The following GAREM1 variants were observed in gnomAD, a reference collection of about 807,000 sequenced individuals.
GAREM1 encodes GRB2-associated and regulator of MAPK protein 1.
In GAREM1, 26 loss-of-function variants were observed where a neutral mutation model predicts 71.3. The ratio of observed to expected loss-of-function variants is 0.36; its 90% CI spans 0.27 to 0.51. GAREM1 has a LOEUF of 0.51. GAREM1 is among the 20% of genes least tolerant of loss of function. The probability of loss-of-function intolerance (pLI) is 0.95; values close to 1 mark genes in which losing one functional copy is unlikely to be tolerated. For synonymous variants in GAREM1, 440 were observed against 433.2 expected (o/e 1.02, Z -0.20); for missense variants, 1,026 against 1,103.1 (o/e 0.93, Z 0.99).
intron 1 of GAREM1, among the ~76,000 whole-genome samples, chr18:32,458,287 A>C (rs1433126413): frequency 6.6e-6 from 1 of 152,092 alleles, no homozygotes; most frequent in Non-Finnish European, 1.5e-5. Context: ...TCTTTGGGGA[A>C]CTCTCCATGA....
intron 3 of GAREM1, among the ~76,000 whole-genome samples, chr18:32,307,043 C>A (rs937667240): frequency 6.6e-6 from 1 of 152,150 alleles, no homozygotes; most frequent in Non-Finnish European, 1.5e-5. Flanking sequence ...AGTACTAGTA[C>A]TAGCCATTAA....
chr18:32,274,176 C>T (rs1215496791), intron 4 of GAREM1, among the ~76,000 whole-genome samples: 1 of 152,174 alleles, frequency 6.6e-6, no homozygotes, highest in East Asian at 1.9e-4. Context: ...GGAAGAATTA[C>T]ATGCTATGGT....
At chr18:32,358,714 G>A (rs753427913) in intron 2 of GAREM1, among the ~76,000 whole-genome samples, 1 of 152,088 alleles carries the variant, frequency 6.6e-6, no homozygotes, top group Non-Finnish European at 1.5e-5. Context: ...GTCGGTTTAC[G>A]TCAATCCTGG....
chr18:32,361,392 A>G (rs2047863778), intron 2 of GAREM1, among the ~76,000 whole-genome samples: 1 of 152,226 alleles, frequency 6.6e-6, no homozygotes, highest in South Asian at 2.1e-4. Context: ...AAACAAAATA[A>G]AACAAAATCC....
At chr18:32,354,343 G>A (rs534025665) in intron 2 of GAREM1, among the ~76,000 whole-genome samples, 4 of 152,206 alleles carry the variant, frequency 2.6e-5, no homozygotes, top group African/African-American at 9.6e-5. Flanking sequence ...GGATTTCAGT[G>A]CCAAAAAGAG....
chr18:32,266,042 G>C lies in GAREM1; in HGVS notation c.*1829C>G, dbSNP rs188213344. The C allele has an allele frequency of 2.0e-4, 31 of 152,196 alleles. No individual in the cohort carries two copies. Among genetic ancestry groups the C allele is most frequent in the African/African-American group, 7.2e-4 (30 of 41,528 alleles). The allele number at this position is 152,196 out of a possible 1,614,324, so 9.4% of individuals were successfully genotyped here. On this transcript the variant is annotated 3_prime_UTR_variant, in exon 6 of 6. Transcript: ENST00000269209. Reference sequence around the variant, plus strand: ...TTGAGTTATCTGTGACTTTTGAAGAGGTGCTCCAGTGTGAGAATTTTACAG... The same window carrying C: ...TTGAGTTATCTGTGACTTTTGAAGACGTGCTCCAGTGTGAGAATTTTACAG...
intron 1 of GAREM1, among the ~76,000 whole-genome samples, chr18:32,396,960 G>T (rs948544682): frequency 1.3e-5 from 2 of 152,082 alleles, no homozygotes; most frequent in African/African-American, 2.4e-5. Flanking sequence ...CGGATCTCTC[G>T]GCAGAAACTC....
intron 2 of GAREM1, 45 bp downstream of exon 2, chr18:32,392,850 C>G: frequency 6.3e-7 from 1 of 1,589,962 alleles, no homozygotes; most frequent in Middle Eastern, 1.7e-4. Context: ...CTATTCACAT[C>G]CCCTTTCTCT....
chr18:32,402,919 C>T (rs1490999916), intron 1 of GAREM1, among the ~76,000 whole-genome samples: 1 of 151,818 alleles, frequency 6.6e-6, no homozygotes, highest in Non-Finnish European at 1.5e-5. Flanking sequence ...CTTTTCTTTC[C>T]TTCTTTTTCT....
chr18:32,466,202 AG>A (rs1279867330), intron 1 of GAREM1, among the ~76,000 whole-genome samples: 1 of 152,136 alleles, frequency 6.6e-6, no homozygotes, highest in African/African-American at 2.4e-5. Context: ...AGAGTATGGC[AG>A]AGTGATCAAT....
In GAREM1 at chr18:32,314,280, C is replaced by T. The variant is rs185693500; in HGVS notation, c.263-3957G>A. Among the ~76,000 whole-genome samples, 253 of 152,248 alleles carry T rather than the reference C, an allele frequency of 1.7e-3. 1 individual carries two copies. In the Middle Eastern group the frequency reaches 0.024, roughly 14 times the overall value. ...GAGCAATTCTCCATGCAATGACACC[C>T]ATGTCTGCATACCATTTCATAATGG... On this transcript the variant is annotated intron_variant, in intron 2 of 5. Transcript: ENST00000269209.
chr18:32,295,988 A>G (rs1237911264), intron 3 of GAREM1, among the ~76,000 whole-genome samples: 1 of 149,874 alleles, frequency 6.7e-6, no homozygotes, highest in African/African-American at 2.5e-5. Context: ...TTTGAGATGG[A>G]GTCTCACTCT....
chr18:32,293,626 G>T (rs1172313133), intron 3 of GAREM1, among the ~76,000 whole-genome samples: 1 of 152,070 alleles, frequency 6.6e-6, no homozygotes, highest in African/African-American at 2.4e-5. Flanking sequence ...ATCATCAATA[G>T]ATCCAAATTT....
At chr18:32,357,522 AC>A (rs1002464737) in intron 2 of GAREM1, among the ~76,000 whole-genome samples, 4 of 152,286 alleles carry the variant, frequency 2.6e-5, no homozygotes, top group Middle Eastern at 3.4e-3. Context: ...GCTGTCTAGC[AC>A]AGTGATGGGC....
intron 1 of GAREM1, among the ~76,000 whole-genome samples, chr18:32,445,719 AATC>A (rs1235751046): frequency 6.6e-6 from 1 of 152,162 alleles, no homozygotes; most frequent in African/African-American, 2.4e-5. Flanking sequence ...TGTAATGTTC[AATC>A]ATCTTACTAC....
chr18:32,397,726 T>C (rs117618124), intron 1 of GAREM1, among the ~76,000 whole-genome samples: 5,048 of 152,242 alleles, frequency 0.033, 143 homozygotes, highest in Non-Finnish European at 0.047. Flanking sequence ...CACCTCACTG[T>C]CAACATTAGA....
chr18:32,343,702 A>G (rs1453943567), intron 2 of GAREM1, among the ~76,000 whole-genome samples: 1 of 152,214 alleles, frequency 6.6e-6, no homozygotes, highest in East Asian at 1.9e-4. Flanking sequence ...AAATATTAAT[A>G]TCTTAGTATA....
At chr18:32,395,611 A>G (rs1204739362) in intron 1 of GAREM1, among the ~76,000 whole-genome samples, 2 of 152,208 alleles carry the variant, frequency 1.3e-5, no homozygotes, top group Non-Finnish European at 2.9e-5. Context: ...TATAAAGAAG[A>G]CTTAGTCCCT....
chr18:32,278,329 G>T (rs1174012745), intron 4 of GAREM1, among the ~76,000 whole-genome samples: 1 of 152,138 alleles, frequency 6.6e-6, no homozygotes, highest in East Asian at 1.9e-4. Flanking sequence ...GCAGGGGCGT[G>T]GGGGAGAGAG....
Sources: allele counts gnomAD v4.1 joint callset (sites outside exome capture counted in the v4.1 genomes callset), GRCh38; gene constraint gnomAD v4.1.1; transcripts MANE v1.5; gene names NCBI Gene and HGNC (gene_info 2026-07-23, HGNC 2026-07-21).